Variants in REEP3 observed in about 807,000 individuals in gnomAD.
REEP3 encodes the protein receptor accessory protein 3, also known as receptor expression-enhancing protein 3.
Under a neutral mutation model 41.3 loss-of-function variants are expected in REEP3, and 20 were observed. The ratio of observed to expected loss-of-function variants is 0.48; its 90% CI spans 0.34 to 0.70. REEP3 has a LOEUF of 0.70. Ranked by LOEUF, REEP3 falls within the 30% of genes least tolerant of loss-of-function variation. The pLI is 0.01. For missense variants in REEP3, 271 were observed against 308.8 expected (o/e 0.88, Z 0.92); for synonymous variants, 104 against 101.8 (o/e 1.02, Z -0.13).
At chr10:63,564,050 A>G (rs1589868463) in intron 1 of REEP3, among the ~76,000 whole-genome samples, 2 of 152,334 alleles carry the variant, frequency 1.3e-5, no homozygotes, top group East Asian at 3.9e-4. Context: ...GGTAAAAACT[A>G]AGGAAACCTA....
intron 1 of REEP3, chr10:63,521,920 G>A (rs1955266394): frequency 6.6e-6 from 1 of 150,450 alleles, no homozygotes; most frequent in South Asian, 2.1e-4. Context: ...CCCCGCTCCT[G>A]CTCCCCGCGC....
At chr10:63,564,700 T>C (rs1955780435) in intron 1 of REEP3, among the ~76,000 whole-genome samples, 1 of 152,048 alleles carries the variant, frequency 6.6e-6, no homozygotes, top group Admixed American at 6.5e-5. Flanking sequence ...TTTTTTTTTT[T>C]CCTAACGATG....
At chr10:63,604,050 T>G (rs1372058135) in intron 5 of REEP3, among the ~76,000 whole-genome samples, 1 of 152,240 alleles carries the variant, frequency 6.6e-6, no homozygotes, top group Non-Finnish European at 1.5e-5. Flanking sequence ...AAAGTATCTT[T>G]CAGGCTTAAA....
At chr10:63,584,880 C>T (rs1285659084) in intron 2 of REEP3, among the ~76,000 whole-genome samples, 1 of 152,072 alleles carries the variant, frequency 6.6e-6, no homozygotes, top group African/African-American at 2.4e-5. Flanking sequence ...TTTTTAGACT[C>T]AGCAGAGATT....
At position 63,579,792 on chromosome 10, in the gene REEP3, G is replaced by A. The variant is rs113960779; in HGVS notation, c.105+13382G>A. On this transcript the variant is annotated intron_variant, in intron 2 of 7. Transcript: ENST00000373758. ...TTTCCATTAAAGGAAATGTTGCTAA[G>A]AAGTAAGTTGGAGGGAGGCCTAGCC... Among the ~76,000 whole-genome samples the A allele has an allele frequency of 3.2e-3, 493 of 152,296 alleles. 3 individuals are homozygous for A. Among genetic ancestry groups the A allele is most frequent in the African/African-American group, 0.011 (452 of 41,572 alleles).
At chr10:63,550,548 T>G (rs1264141252) in intron 1 of REEP3, among the ~76,000 whole-genome samples, 1 of 152,122 alleles carries the variant, frequency 6.6e-6, no homozygotes, top group East Asian at 1.9e-4. Context: ...GGGGTGGGGA[T>G]AAGTTAAATT....
chr10:63,571,119 G>A (rs1017111928), intron 2 of REEP3, among the ~76,000 whole-genome samples: 1 of 152,064 alleles, frequency 6.6e-6, no homozygotes, highest in East Asian at 1.9e-4. Context: ...ACCATCGGGT[G>A]GGGTAGTGGG....
At chr10:63,603,513 A>C (rs1328380962) in intron 5 of REEP3, among the ~76,000 whole-genome samples, 1 of 152,134 alleles carries the variant, frequency 6.6e-6, no homozygotes, top group East Asian at 1.9e-4. Context: ...TTTAATTTAT[A>C]CGTTAACACC....
chr10:63,564,233 C>A, intron 1 of REEP3, among the ~76,000 whole-genome samples: 1 of 152,066 alleles, frequency 6.6e-6, no homozygotes, highest in African/African-American at 2.4e-5. Flanking sequence ...AAAAAATGGC[C>A]ATTGAAAACA....
At chr10:63,619,955 G>A (rs1277286770) in intron 7 of REEP3, among the ~76,000 whole-genome samples, 155 bp downstream of exon 7, 1 of 144,126 alleles carries the variant, frequency 6.9e-6, no homozygotes, top group African/African-American at 2.5e-5. Flanking sequence ...AGTTTTTGGG[G>A]ATAGAGCTTT....
intron 1 of REEP3, among the ~76,000 whole-genome samples, chr10:63,533,245 G>A (rs760605998): frequency 3.7e-4 from 56 of 152,302 alleles, no homozygotes; most frequent in Non-Finnish European, 4.4e-4. Flanking sequence ...TGTGAAGTGG[G>A]CAAACTGACT....
At chr10:63,580,717 A>T (rs959997566) in intron 2 of REEP3, among the ~76,000 whole-genome samples, 3 of 152,196 alleles carry the variant, frequency 2.0e-5, no homozygotes, top group Non-Finnish European at 4.4e-5. Context: ...TAAACTACCT[A>T]TAATTTTTAT....
chr10:63,550,221 T>C (rs548181057), intron 1 of REEP3, among the ~76,000 whole-genome samples: 34 of 152,310 alleles, frequency 2.2e-4, no homozygotes, highest in African/African-American at 7.7e-4. Context: ...AGAAATATTA[T>C]ACCATGGGAA....
Position 63,624,639 on chromosome 10 carries a change from T to C in REEP3, c.*3770T>C, listed in dbSNP as rs1260940895. On this transcript the variant is annotated 3_prime_UTR_variant, in exon 8 of 8. Transcript: ENST00000373758. ...GGATTCCATGAATTGGTATTACTTA[T>C]TATTATGTGTTGATTAAATATATGC... is the stretch of plus-strand genomic sequence containing the variant. The C allele has an allele frequency of 6.6e-6, 1 of 152,144 alleles. No homozygotes were observed. The highest frequency in any genetic ancestry group is 6.5e-5 in the Admixed American group (1 of 15,282). 9.4% of individuals were successfully genotyped at this position (152,144 alleles called of 1,614,324 possible). A position where few individuals can be genotyped will look rare whatever the true frequency, so the allele number is the denominator to read the frequency against.
At chr10:63,571,379 T>G (rs941559547) in intron 2 of REEP3, among the ~76,000 whole-genome samples, 1 of 151,998 alleles carries the variant, frequency 6.6e-6, no homozygotes, top group African/African-American at 2.4e-5. Flanking sequence ...TTCTGGAGGG[T>G]TTAGGGGAAA....
chr10:63,605,508 A>T (rs1956216567), intron 5 of REEP3, among the ~76,000 whole-genome samples: 1 of 152,252 alleles, frequency 6.6e-6, no homozygotes, highest in Non-Finnish European at 1.5e-5. Context: ...TGCTTGTACG[A>T]TTATAAAGCA....
intron 2 of REEP3, among the ~76,000 whole-genome samples, chr10:63,576,279 A>T (rs931909623): frequency 6.6e-6 from 1 of 152,182 alleles, no homozygotes; most frequent in African/African-American, 2.4e-5. Flanking sequence ...ATAAGGACGT[A>T]CCACAAGCAG....
At chr10:63,556,315 T>G (rs1313718168) in intron 1 of REEP3, among the ~76,000 whole-genome samples, 1 of 150,944 alleles carries the variant, frequency 6.6e-6, no homozygotes, top group Non-Finnish European at 1.5e-5. Context: ...AGAGACAGGG[T>G]TTCACCATGT....
At chr10:63,583,202 A>G (rs1955971218) in intron 2 of REEP3, among the ~76,000 whole-genome samples, 3 of 152,004 alleles carry the variant, frequency 2.0e-5, no homozygotes, top group Admixed American at 2.0e-4. Flanking sequence ...TGTGTTAGCC[A>G]GGATGGTGTT....
Sources: gnomAD v4.1 joint callset for allele counts (sites outside exome capture counted in the v4.1 genomes callset) on GRCh38, gnomAD v4.1.1 for gene constraint, MANE v1.5 for transcripts, NCBI Gene and HGNC (gene_info 2026-07-23, HGNC 2026-07-21) for gene names.